ENKUR: variants seen among roughly 807,000 people sequenced by gnomAD.
ENKUR encodes enkurin, TRPC channel interacting protein.
ENKUR carries 19 observed loss-of-function variants against 27.6 expected under a neutral mutation model. The ratio of observed to expected loss-of-function variants is 0.69; its 90% confidence interval spans 0.48 to 1.01. The LOEUF (loss-of-function observed/expected upper bound fraction) is 1.01, where lower values mean the gene tolerates loss of function less well. ENKUR is among the 50% of genes least tolerant of loss of function. The pLI is 0.00. For missense variants in ENKUR, 312 were observed against 310.5 expected, an observed-to-expected ratio of 1.00 and a Z score of -0.04; for synonymous variants, 117 against 96.9, an observed-to-expected ratio of 1.21 and a Z score of -1.22.
At chr10:24,987,029 C>A (rs1849795616) in intron 4 of ENKUR, among the ~76,000 whole-genome samples, 1 of 152,160 alleles carries the variant, frequency 6.6e-6, no homozygotes, top group African/African-American at 2.4e-5. Flanking sequence ...ACATTCTCCA[C>A]CTTGTGGGGT....
In ENKUR at chr10:24,990,491, G is replaced by C; in HGVS notation, c.566C>G (p.Ser189Cys). The C allele has an allele frequency of 6.2e-7, 1 of 1,613,422 alleles. No individual in the cohort carries two copies. Among genetic ancestry groups the C allele is most frequent in the East Asian group, 2.2e-5 (1 of 44,852 alleles). The change falls in exon 4 of 6, where the codon TCC becomes TGC. Residue 189 changes from serine (S) to cysteine (C), a missense_variant. Coordinates refer to ENST00000331161, the MANE Select transcript of ENKUR (RefSeq NM_145010.4). ...NLKKAAMKRL[S>C]DEEREAVLQG... is the part of the protein sequence containing the mutation. Reference sequence around the variant, plus strand: ...CAAAACTGCCTCCCTTTCTTCATCGGAGAGCCTTTTCATAGCTGCTTTCTT... The same window carrying C: ...CAAAACTGCCTCCCTTTCTTCATCGCAGAGCCTTTTCATAGCTGCTTTCTT...
intron 1 of ENKUR, among the ~76,000 whole-genome samples, chr10:25,015,002 T>G (rs141376110): frequency 1.3e-5 from 2 of 152,350 alleles, no homozygotes; most frequent in East Asian, 3.9e-4. Flanking sequence ...CTAGGCCCGA[T>G]TTTTAGTCCA....
chr10:25,005,551 C>G (rs985337739), intron 1 of ENKUR, among the ~76,000 whole-genome samples: 1 of 152,180 alleles, frequency 6.6e-6, no homozygotes, highest in African/African-American at 2.4e-5. Flanking sequence ...CAGCATTACA[C>G]TATCGTGTGG....
chr10:25,016,698 G>C (rs888840091), upstream of ENKUR: 3 of 152,392 alleles, frequency 2.0e-5, no homozygotes, highest in African/African-American at 7.2e-5. Context: ...TGCAGGTACG[G>C]TGCTCCGTCT....
intron 2 of ENKUR, among the ~76,000 whole-genome samples, chr10:25,042,685 A>G (rs1333706351): frequency 6.6e-6 from 1 of 152,054 alleles, no homozygotes. Context: ...CCTGAAAACT[A>G]TACAAAATGG....
At chr10:24,994,953 G>A (rs747243070) in intron 3 of ENKUR, among the ~76,000 whole-genome samples, 8 of 152,106 alleles carry the variant, frequency 5.3e-5, no homozygotes, top group Non-Finnish European at 1.2e-4. Flanking sequence ...GCCGGAAGTT[G>A]GAAGTTGCAG....
In ENKUR at chr10:25,015,968, CCA is replaced by C; in HGVS notation, c.-34_-33del. ...CAAATGACTCCTTAAAAGCTACTCTCCACAACTTTTTTCTCCCTGTCCCAGTA... is the reference window on the plus strand; with the variant it reads ...CAAATGACTCCTTAAAAGCTACTCTCCAACTTTTTTCTCCCTGTCCCAGTA... On this transcript the variant is annotated 5_prime_UTR_variant, in exon 1 of 6. Transcript: ENST00000331161. The C allele has an allele frequency of 6.3e-7, 1 of 1,590,610 alleles. No homozygotes were observed. Among genetic ancestry groups the C allele is most frequent in the Non-Finnish European group, 8.6e-7 (1 of 1,169,432 alleles).
In ENKUR at chr10:25,033,868, A is replaced by ATCT. The variant is rs1564353920; in HGVS notation, c.37+27243_37+27244insAGA. On this transcript the variant is annotated intron_variant, in intron 2 of 5. Transcript: ENST00000615958. ...CTATCTATCTATCTATCTATCTATC[A>ATCT]ATCATCTATTGTCTGTCTGTCTCTA... Among the ~76,000 whole-genome samples, 14 of 135,428 alleles carry ATCT rather than the reference A, an allele frequency of 1.0e-4. No individual in the cohort carries two copies. In the East Asian group the frequency reaches 1.0e-3, roughly 10 times the overall value. 88.8% of individuals were successfully genotyped at this position (135,428 alleles called of 152,430 possible).
upstream of ENKUR, among the ~76,000 whole-genome samples, chr10:25,019,565 C>T (rs899606906): frequency 1.3e-5 from 2 of 152,160 alleles, no homozygotes; most frequent in African/African-American, 4.8e-5. Context: ...CTAGCATTTG[C>T]ATTGTATTAT....
intron 2 of ENKUR, chr10:25,023,266 C>T (rs201226435): frequency 3.7e-6 from 6 of 1,613,624 alleles, no homozygotes; most frequent in South Asian, 1.1e-5. Context: ...AAAGATAACA[C>T]AGAAATGTTT....
chr10:25,036,935 G>C (rs1851016054), intron 2 of ENKUR, among the ~76,000 whole-genome samples: 1 of 152,132 alleles, frequency 6.6e-6, no homozygotes, highest in Non-Finnish European at 1.5e-5. Flanking sequence ...GCCAAGAAAA[G>C]AAACATCAAA....
chr10:24,984,373 T>C lies in ENKUR; in HGVS notation c.768A>G (p.Ala256=), dbSNP rs749995931. 3.0e-5 allele frequency: 47 copies of C among 1,557,484 alleles called. No homozygotes were observed. The highest frequency in any genetic ancestry group is 4.7e-5 in the South Asian group (4 of 84,968). The change falls in exon 6 of 6, where the codon GCA becomes GCG. Residue 256 remains alanine (A), a synonymous_variant. Transcript: ENST00000331161. ...TTTCAAAGTTGTGCTGTTGGTATCA[T>C]GCGCTGCAGAAAAAAAAAAAAAAAA... The part of the protein sequence containing the change: ...KHKIIYIANN[A]
chr10:25,010,840 A>G (rs1477594502), intron 1 of ENKUR, among the ~76,000 whole-genome samples: 2 of 151,192 alleles, frequency 1.3e-5, no homozygotes, highest in Non-Finnish European at 3.0e-5. Context: ...AGTCCAGTCT[A>G]TCATTGTTGG....
At chr10:25,038,720 T>C (rs182250931) in intron 2 of ENKUR, among the ~76,000 whole-genome samples, 1 of 152,322 alleles carries the variant, frequency 6.6e-6, no homozygotes, top group Admixed American at 6.5e-5. Flanking sequence ...ACAACCCTGT[T>C]TTAGGTTGAT....
At chr10:25,032,805 A>G (rs1850952386) in intron 2 of ENKUR, among the ~76,000 whole-genome samples, 1 of 151,884 alleles carries the variant, frequency 6.6e-6, no homozygotes, top group Non-Finnish European at 1.5e-5. Context: ...TTCCTTTTTC[A>G]TGGATTTACT....
chr10:25,003,082 C>T (rs1473629868), intron 1 of ENKUR, among the ~76,000 whole-genome samples: 2 of 152,016 alleles, frequency 1.3e-5, no homozygotes, highest in African/African-American at 4.8e-5. Flanking sequence ...ACAAAAATAA[C>T]ATTAAGTAAA....
intron 3 of ENKUR, among the ~76,000 whole-genome samples, chr10:24,994,716 T>C (rs866802023): frequency 6.6e-6 from 1 of 152,148 alleles, no homozygotes; most frequent in Admixed American, 6.6e-5. Context: ...TTTGTAAGCT[T>C]TTTTATTTTA....
At chr10:25,033,825 G>GTCTATCTA (rs140639853) in intron 2 of ENKUR, among the ~76,000 whole-genome samples, 2,965 of 148,690 alleles carry the variant, frequency 0.02, 19 homozygotes, top group African/African-American at 0.026. Context: ...GTGTGTGTGT[G>GTCTATCTA]TCTATCTATC....
intron 1 of ENKUR, among the ~76,000 whole-genome samples, chr10:25,015,125 C>T (rs924242250): frequency 6.6e-6 from 1 of 152,138 alleles, no homozygotes; most frequent in Non-Finnish European, 1.5e-5. Flanking sequence ...TCTTTGCTCC[C>T]CACAGATTTA....
Sources: allele counts gnomAD v4.1 joint callset (sites outside exome capture counted in the v4.1 genomes callset), GRCh38; gene constraint gnomAD v4.1.1; transcripts MANE v1.5; gene names NCBI Gene and HGNC (gene_info 2026-07-23, HGNC 2026-07-21).